TMEM126A: variants seen among roughly 807,000 people sequenced by gnomAD.
TMEM126A encodes optic atrophy 7.
A neutral mutation model predicts 18.3 loss-of-function variants in TMEM126A; 10 were observed. That is an observed-to-expected ratio of 0.55 (90% CI 0.34 to 0.93). The LOEUF (loss-of-function observed/expected upper bound fraction) is 0.93. TMEM126A is among the 40% of genes least tolerant of loss of function. The probability of loss-of-function intolerance (pLI) is 0.02; values close to 1 mark genes in which losing one functional copy is unlikely to be tolerated. For missense variants in TMEM126A, 246 were observed against 230.2 expected (o/e 1.07, Z -0.44); for synonymous variants, 68 against 78.1 (o/e 0.87, Z 0.68).
chr11:85,656,178 T>C, intron 4 of TMEM126A, 131 bp from the exon 5 acceptor site: 1 of 819,088 alleles, frequency 1.2e-6, no homozygotes, highest in Non-Finnish European at 1.9e-6. Context: ...TTAGGATTAA[T>C]AGACACTGAA....
intron 1 of TMEM126A, among the ~76,000 whole-genome samples, chr11:85,649,198 G>C (rs2082482414): frequency 6.6e-6 from 1 of 152,176 alleles, no homozygotes; most frequent in Non-Finnish European, 1.5e-5. Flanking sequence ...GCCTCCCAAG[G>C]TGCTGGGATT....
intron 4 of TMEM126A, 121 bp downstream of exon 4, chr11:85,655,829 A>G (rs2082533944): frequency 5.9e-6 from 4 of 683,550 alleles, no homozygotes; most frequent in Admixed American, 2.5e-5. Context: ...CTTGATTAGA[A>G]GTTAGCAAGA....
chr11:85,656,064 T>G (rs893180740), intron 4 of TMEM126A, among the ~76,000 whole-genome samples: 9 of 152,222 alleles, frequency 5.9e-5, no homozygotes, highest in African/African-American at 2.2e-4. Context: ...AGCTGTTATA[T>G]TAGCCTTCTA....
At position 85,654,274 on chromosome 11, in the gene TMEM126A, A is replaced by G. The variant is rs1244195252; in HGVS notation, c.280+18A>G. The G allele has an allele frequency of 1.2e-6, 2 of 1,612,084 alleles. No individual in the cohort carries two copies. ...GAATACAGGTAAATTCTACTTCACT[A>G]TCACCAAAGAGTTTGCCTTAGTATA... On this transcript the variant is annotated intron_variant, in intron 3 of 4. Transcript: ENST00000304511.
intron 1 of TMEM126A, among the ~76,000 whole-genome samples, chr11:85,649,415 T>C (rs1416765123): frequency 6.6e-6 from 1 of 152,220 alleles, no homozygotes; most frequent in African/African-American, 2.4e-5. Context: ...GTTTTTATAG[T>C]TTTTTTAAAA....
At chr11:85,655,481 TTGATA>T in intron 3 of TMEM126A, 108 bp from the exon 4 acceptor site, 2 of 800,934 alleles carry the variant, frequency 2.5e-6, no homozygotes, top group Non-Finnish European at 4.4e-6. Context: ...ACAATTACAT[TTGATA>T]TATTACCTGA....
At chr11:85,653,979 A>G (rs1324266726) in intron 2 of TMEM126A, 84 bp from the exon 3 acceptor site, 12 of 1,491,634 alleles carry the variant, frequency 8.0e-6, no homozygotes, top group Middle Eastern at 1.8e-4. Flanking sequence ...GTGTATTCCC[A>G]AAGTCCTATA....
chr11:85,654,066 T>C lies in TMEM126A; in HGVS notation c.90T>C (p.Asn30=). ...KINQLPEAER[N]LLENGSVYVG... ...TTCTTTCTTCTCACCCTTTCAGGAATCTACTTGAAAATGGATCGGTTTATG... is the reference window on the plus strand; with the variant it reads ...TTCTTTCTTCTCACCCTTTCAGGAACCTACTTGAAAATGGATCGGTTTATG... The change falls in exon 3 of 5, where the codon AAT becomes AAC. Residue 30 remains asparagine (N), a synonymous_variant. Transcript: ENST00000304511. 2 of 1,614,188 alleles carry C rather than the reference T, an allele frequency of 1.2e-6. No homozygotes were observed. Among genetic ancestry groups the C allele is most frequent in the Non-Finnish European group, 1.7e-6 (2 of 1,180,014 alleles).
rs764353964 is a variant in TMEM126A at position 85,655,663 on chromosome 11, A to C, written c.350A>C (p.Tyr117Ser). ...ACTGGTCTTGTTATTGGTGGTCTAT[A>C]CCCTGTTTTCTTGGCTATACCTGTA... is the stretch of plus-strand genomic sequence containing the variant. Reference protein sequence around the residue: ...GLTGLVIGGLYPVFLAIPVNG... With the variant: ...GLTGLVIGGLSPVFLAIPVNG... The change falls in exon 4 of 5, where the codon TAC (tyrosine) becomes TCC (serine). Residue 117 changes from tyrosine (Y) to serine (S), a missense_variant. Physicochemically the swap from Tyr to Ser is moderately radical, Grantham distance 144. Coordinates refer to ENST00000304511, the MANE Select transcript of TMEM126A (RefSeq NM_032273.4). 5 of 1,613,584 alleles carry C rather than the reference A, an allele frequency of 3.1e-6. No individual in the cohort carries two copies. The Admixed American group carries it at 8.3e-5, about 27-fold the overall frequency.
At chr11:85,656,250 G>C (rs2082537405) in intron 4 of TMEM126A, 59 bp from the exon 5 acceptor site, 1 of 1,415,902 alleles carries the variant, frequency 7.1e-7, no homozygotes. Context: ...TATCACAGAT[G>C]GGTTTGCCAT....
At chr11:85,653,243 A>G (rs2082514546) in intron 2 of TMEM126A, among the ~76,000 whole-genome samples, 1 of 152,248 alleles carries the variant, frequency 6.6e-6, no homozygotes, top group African/African-American at 2.4e-5. Context: ...AAAGTGTCAG[A>G]TAAGAAAAGC....
intron 2 of TMEM126A, among the ~76,000 whole-genome samples, chr11:85,653,377 A>C (rs1200080098): frequency 6.6e-6 from 1 of 152,218 alleles, no homozygotes; most frequent in African/African-American, 2.4e-5. Context: ...TGAAAATCTT[A>C]AGACTGTATT....
rs2082532001 is a variant in TMEM126A, at chr11:85,655,610, A to T, written c.297A>T (p.Glu99Asp). ...FPLNTGDLDC[E>D]TCTITRSGLT... The stretch of plus-strand genomic sequence containing the variant: ...ATTTCCTAGGTGATTTGGATTGTGA[A>T]ACCTGTACCATAACACGGAGTGGAC... The change falls in exon 4 of 5, where the codon GAA becomes GAT. Residue 99 changes from glutamate (E) to aspartate (D), a missense_variant. By Grantham distance (45) the Glu-to-Asp change is conservative. Transcript: ENST00000304511. The T allele has an allele frequency of 1.9e-6, 3 of 1,613,404 alleles. No homozygotes were observed. The highest frequency in any genetic ancestry group is 2.2e-5 in the South Asian group (2 of 91,066).
chr11:85,650,065 T>C (rs1408053068), intron 1 of TMEM126A, among the ~76,000 whole-genome samples, 184 bp from the exon 2 acceptor site: 1 of 152,232 alleles, frequency 6.6e-6, no homozygotes, highest in Admixed American at 6.5e-5. Flanking sequence ...ATATTCTGTA[T>C]TTCCTAAAAG....
intron 2 of TMEM126A, among the ~76,000 whole-genome samples, chr11:85,652,897 T>C (rs1048827982): frequency 6.6e-6 from 1 of 152,014 alleles, no homozygotes; most frequent in Non-Finnish European, 1.5e-5. Context: ...ATGATTTTTA[T>C]GATGAAATAT....
chr11:85,654,055 C>G lies in TMEM126A; in HGVS notation c.87-8C>G, dbSNP rs758918897. 2.5e-6 allele frequency: 4 copies of G among 1,613,976 alleles called. No homozygotes were observed. Among genetic ancestry groups the G allele is most frequent in the Non-Finnish European group, 8.5e-7 (1 of 1,180,000 alleles). ...CCAAAGAAAAGTTCTTTCTTCTCACCCTTTCAGGAATCTACTTGAAAATGG... is the reference window on the plus strand; with the variant it reads ...CCAAAGAAAAGTTCTTTCTTCTCACGCTTTCAGGAATCTACTTGAAAATGG... On this transcript the variant is annotated splice_region_variant and splice_polypyrimidine_tract_variant and intron_variant, in intron 2 of 4. Coordinates refer to ENST00000304511, the MANE Select transcript of TMEM126A (RefSeq NM_032273.4).
Position 85,650,305 on chromosome 11 carries a change from T to A in TMEM126A, c.50T>A (p.Ile17Lys), listed in dbSNP as rs138341732. ...AAGGAAAACATAACAATTGTTGATA[T>A]ATCCAGAAAAATTAACCAGCTTCCA... The part of the protein sequence containing the change: ...NNKENITIVD[I>K]SRKINQLPEA... Residue 17 changes from isoleucine (I) to lysine (K), a missense_variant, in exon 2 of 5, where the codon ATA becomes AAA. By Grantham distance (102) the Ile-to-Lys change is moderately radical. Transcript: ENST00000304511. 6.2e-7 allele frequency: 1 copy of A among 1,609,148 alleles called. No homozygotes were observed. Among genetic ancestry groups the A allele is most frequent in the Non-Finnish European group, 8.5e-7 (1 of 1,176,156 alleles).
chr11:85,649,004 G>A (rs896236443), intron 1 of TMEM126A, among the ~76,000 whole-genome samples: 2 of 147,434 alleles, frequency 1.4e-5, no homozygotes, highest in Non-Finnish European at 3.0e-5. Flanking sequence ...GCGAGATCTC[G>A]GCACACTGCA....
At chr11:85,649,820 G>A (rs1030405889) in intron 1 of TMEM126A, among the ~76,000 whole-genome samples, 1 of 152,082 alleles carries the variant, frequency 6.6e-6, no homozygotes, top group Non-Finnish European at 1.5e-5. Context: ...CAAATATTTT[G>A]TCAGTTTTTC....
Sources: gnomAD v4.1 joint callset for allele counts (sites outside exome capture counted in the v4.1 genomes callset) on GRCh38, gnomAD v4.1.1 for gene constraint, MANE v1.5 for transcripts, NCBI Gene and HGNC (gene_info 2026-07-23, HGNC 2026-07-21) for gene names.